Variants in RNFT2 observed in about 807,000 individuals in gnomAD.
The protein encoded by RNFT2 is E3 ubiquitin-protein ligase RNFT2.
Under a neutral mutation model 53.0 loss-of-function variants are expected in RNFT2, and 36 were observed. That is an observed-to-expected ratio of 0.68 (90% CI 0.52 to 0.90). The LOEUF (loss-of-function observed/expected upper bound fraction) is 0.90. Ranked by LOEUF, RNFT2 falls within the 40% of genes least tolerant of loss-of-function variation. The pLI is 0.00. For missense variants in RNFT2, 514 were observed against 585.6 expected, an observed-to-expected ratio of 0.88 and a Z score of 1.26; for synonymous variants, 260 against 253.2, an observed-to-expected ratio of 1.03 and a Z score of -0.26.
intron 7 of RNFT2, among the ~76,000 whole-genome samples, chr12:116,819,754 G>T (rs1233386505): frequency 1.3e-5 from 2 of 151,922 alleles, no homozygotes; most frequent in African/African-American, 4.8e-5. Flanking sequence ...CTTTTGTATT[G>T]AGGCATAACT....
At chr12:116,752,755 G>A (rs1470698413) in intron 4 of RNFT2, among the ~76,000 whole-genome samples, 1 of 152,168 alleles carries the variant, frequency 6.6e-6, no homozygotes. Flanking sequence ...GCACACACCT[G>A]TAGTCCCAGC....
chr12:116,841,760 A>AATATAAATATATAT lies in RNFT2; in HGVS notation c.1200+5510_1200+5523dup, dbSNP rs1431232990. 1.2e-3 allele frequency among the ~76,000 whole-genome samples: 144 copies of AATATAAATATATAT among 118,054 alleles called. 8 individuals carry two copies. The highest frequency in any genetic ancestry group is 2.5e-3 in the South Asian group (10 of 3,962). The allele number at this position is 118,054 out of a possible 152,430, so 77.4% of individuals were successfully genotyped here. A position where few individuals can be genotyped will look rare whatever the true frequency, so the allele number is the denominator to read the frequency against. On this transcript the variant is annotated intron_variant, in intron 10 of 10. Transcript: ENST00000257575. ...AAGATTCTGTCTCAAAAAATATATA[A>AATATAAATATATAT]ATATAAATATATATATATAAATATA... is the stretch of plus-strand genomic sequence containing the variant.
intron 6 of RNFT2, among the ~76,000 whole-genome samples, chr12:116,778,671 G>A (rs780716001): frequency 4.6e-5 from 7 of 152,216 alleles, no homozygotes; most frequent in East Asian, 1.9e-4. Flanking sequence ...CCAACATGGC[G>A]AAACCCTGTC....
chr12:116,812,358 G>A (rs995552262), intron 7 of RNFT2, among the ~76,000 whole-genome samples: 4 of 152,090 alleles, frequency 2.6e-5, no homozygotes, highest in Non-Finnish European at 4.4e-5. Flanking sequence ...CAGAGGACGG[G>A]GATGGCAGAG....
rs762013507 is a variant in RNFT2, at chr12:116,743,213, T to TAAAAAAAAAAAAAAA, written c.83+2136_83+2150dup. ...TGATTAATAGATACCAGGTAGAATC[T>TAAAAAAAAAAAAAAA]AAAAAAAAAAAAAAAAAAAAAAAAA... On this transcript the variant is annotated intron_variant, in intron 3 of 10. Coordinates refer to ENST00000257575, the MANE Select transcript of RNFT2 (RefSeq NM_001382266.1). Among the ~76,000 whole-genome samples the TAAAAAAAAAAAAAAA allele has an allele frequency of 4.6e-3, 49 of 10,668 alleles. 9 individuals carry two copies. Among genetic ancestry groups the TAAAAAAAAAAAAAAA allele is most frequent in the Admixed American group, 7.9e-3 (4 of 504 alleles). 7.0% of individuals were successfully genotyped at this position (10,668 alleles called of 152,430 possible).
At chr12:116,837,001 C>T (rs1180688829) in intron 10 of RNFT2, among the ~76,000 whole-genome samples, 1 of 151,982 alleles carries the variant, frequency 6.6e-6, no homozygotes, top group Non-Finnish European at 1.5e-5. Flanking sequence ...GTAGATCATC[C>T]ATGGAAAGAA....
At chr12:116,741,952 G>A (rs573634133) in intron 3 of RNFT2, among the ~76,000 whole-genome samples, 2 of 151,370 alleles carry the variant, frequency 1.3e-5, no homozygotes, top group South Asian at 4.2e-4. Flanking sequence ...CACCTGGCAT[G>A]GGTTAGGTTT....
intron 5 of RNFT2, among the ~76,000 whole-genome samples, chr12:116,757,491 G>C (rs1366350609): frequency 6.6e-6 from 1 of 151,996 alleles, no homozygotes; most frequent in African/African-American, 2.4e-5. Context: ...CACCACCTTT[G>C]CCATATCCCA....
intron 10 of RNFT2, among the ~76,000 whole-genome samples, chr12:116,841,840 TATATAA>T (rs1877301645): frequency 1.4e-4 from 3 of 21,680 alleles, no homozygotes; most frequent in African/African-American, 6.1e-4. Context: ...TATAAATATA[TATATAA>T]ATATATATAA....
Position 116,750,881 on chromosome 12 carries a change from T to TTA in RNFT2, c.550+583_550+584dup, listed in dbSNP as rs1207792122. Among the ~76,000 whole-genome samples the TTA allele has an allele frequency of 1.3e-3, 122 of 92,910 alleles. 2 individuals are homozygous for TTA. The highest frequency in any genetic ancestry group is 2.3e-3 in the African/African-American group (47 of 20,696). The allele number at this position is 92,910 out of a possible 152,430, so 61.0% of individuals were successfully genotyped here. ...ATATTATATATATATAATATATATA[T>TTA]TATATATATAATATATATATATATA... On this transcript the variant is annotated intron_variant, in intron 4 of 10. Coordinates refer to ENST00000257575, the MANE Select transcript of RNFT2 (RefSeq NM_001382266.1).
intron 3 of RNFT2, among the ~76,000 whole-genome samples, chr12:116,743,233 A>AAAAAAAAAAAAAAAAAAAAAAAAAAAAAT (rs1871715108): frequency 8.1e-6 from 1 of 123,034 alleles, no homozygotes; most frequent in Non-Finnish European, 1.7e-5. Flanking sequence ...AAAAAAAAAA[A>AAAAAAAAAAAAAAAAAAAAAAAAAAAAAT]AAAAAAAAAA....
At chr12:116,814,452 C>A (rs1431909573) in intron 7 of RNFT2, among the ~76,000 whole-genome samples, 2 of 152,048 alleles carry the variant, frequency 1.3e-5, no homozygotes, top group African/African-American at 4.8e-5. Context: ...CATGCAAAGC[C>A]TTGAAGGAAG....
chr12:116,806,367 C>CAA lies in RNFT2; in HGVS notation c.882+27033_882+27034dup, dbSNP rs139305837. 7.4e-3 allele frequency among the ~76,000 whole-genome samples: 837 copies of CAA among 113,860 alleles called. 9 individuals carry two copies. Among genetic ancestry groups the CAA allele is most frequent in the African/African-American group, 0.023 (600 of 25,774 alleles). 74.7% of individuals were successfully genotyped at this position (113,860 alleles called of 152,430 possible). A position where few individuals can be genotyped will look rare whatever the true frequency, so the allele number is the denominator to read the frequency against. On this transcript the variant is annotated intron_variant, in intron 7 of 10. Coordinates refer to ENST00000257575, the MANE Select transcript of RNFT2 (RefSeq NM_001382266.1). The stretch of plus-strand genomic sequence containing the variant: ...CCTGGGTAACAGAGTGAGACTGTCT[C>CAA]AAAAAAAAAAAAAAATATATATATA...
At chr12:116,846,639 A>C (rs140951991) in intron 10 of RNFT2, among the ~76,000 whole-genome samples, 1 of 151,838 alleles carries the variant, frequency 6.6e-6, no homozygotes, top group Non-Finnish European at 1.5e-5. Flanking sequence ...AGATTTTTTT[A>C]TTATTATTTC....
intron 10 of RNFT2, among the ~76,000 whole-genome samples, chr12:116,840,658 C>G (rs1295209266): frequency 6.6e-6 from 1 of 152,178 alleles, no homozygotes; most frequent in Non-Finnish European, 1.5e-5. Context: ...CAACAATATC[C>G]TAGGCACTAA....
At chr12:116,771,258 G>A (rs751228775) in intron 6 of RNFT2, among the ~76,000 whole-genome samples, 1 of 151,482 alleles carries the variant, frequency 6.6e-6, no homozygotes, top group African/African-American at 2.4e-5. Flanking sequence ...CCAGGAGTTC[G>A]AGACCATCCT....
At chr12:116,739,590 G>T in intron 1 of RNFT2, among the ~76,000 whole-genome samples, 1 of 152,202 alleles carries the variant, frequency 6.6e-6, no homozygotes. Flanking sequence ...TGCCCTGCGG[G>T]ACCAAGCCCT....
chr12:116,744,988 A>G (rs546037385), intron 3 of RNFT2, among the ~76,000 whole-genome samples: 1 of 152,132 alleles, frequency 6.6e-6, no homozygotes, highest in East Asian at 1.9e-4. Flanking sequence ...AAGTGCAGAA[A>G]AAGCTCAAGG....
intron 5 of RNFT2, among the ~76,000 whole-genome samples, chr12:116,759,181 A>G (rs1432009135): frequency 6.6e-6 from 1 of 152,136 alleles, no homozygotes; most frequent in Non-Finnish European, 1.5e-5. Flanking sequence ...TCGCATTTCT[A>G]AAAATGTGTC....
Sources: gnomAD v4.1 joint callset for allele counts (sites outside exome capture counted in the v4.1 genomes callset) on GRCh38, gnomAD v4.1.1 for gene constraint, MANE v1.5 for transcripts, NCBI Gene and HGNC (gene_info 2026-07-23, HGNC 2026-07-21) for gene names.